Variants in DDX27 observed in about 807,000 individuals in gnomAD.
DDX27 encodes DEAD-box helicase 27, also known as probable ATP-dependent RNA helicase DDX27.
DDX27 carries 42 observed loss-of-function variants against 99.3 expected under a neutral mutation model. That is an observed-to-expected ratio of 0.42 (90% CI 0.33 to 0.55). The LOEUF (loss-of-function observed/expected upper bound fraction) is 0.55. Among genes scored for constraint, DDX27 ranks in the 20% least tolerant of loss-of-function variants. DDX27 has a pLI of 0.07. For synonymous variants in DDX27, 329 were observed against 353.8 expected, an observed-to-expected ratio of 0.93 and a Z score of 0.79; for missense variants, 798 against 976.8, an observed-to-expected ratio of 0.82 and a Z score of 2.44.
chr20:49,240,754 T>C (rs1980452000), intron 16 of DDX27, among the ~76,000 whole-genome samples: 1 of 152,242 alleles, frequency 6.6e-6, no homozygotes, highest in Non-Finnish European at 1.5e-5. Flanking sequence ...AATGGCTTCA[T>C]GTTCTTCCAT....
At chr20:49,221,353 G>T in intron 1 of DDX27, 99 bp from the exon 2 acceptor site, 6 of 1,433,650 alleles carry the variant, frequency 4.2e-6, no homozygotes, top group Non-Finnish European at 5.8e-6. Context: ...CTCCTAAAGT[G>T]CTGGGATTAC....
In DDX27 at chr20:49,236,779, C is replaced by T. The variant is rs6122769; in HGVS notation, c.1687+269C>T. On this transcript the variant is annotated intron_variant, in intron 14 of 20. Transcript: ENST00000618172. The surrounding 1 kb of genome is among the most constrained non-coding windows in gnomAD (Gnocchi z 4.1). ...AAGGTTGCTTGGGGCAAAATTCTCACTAAACTCCTCTTTCCCTTACTGTTG... is the reference window on the plus strand; with the variant it reads ...AAGGTTGCTTGGGGCAAAATTCTCATTAAACTCCTCTTTCCCTTACTGTTG... Among the ~76,000 whole-genome samples, 15,985 of 152,178 alleles carry T rather than the reference C, an allele frequency of 0.11. 1,055 individuals carry two copies. The highest frequency in any genetic ancestry group is 0.15 in the Non-Finnish European group (9,948 of 67,990).
intron 18 of DDX27, 149 bp from the exon 19 acceptor site, chr20:49,242,445 G>C: frequency 1.5e-5 from 15 of 1,020,394 alleles, no homozygotes; most frequent in Non-Finnish European, 2.0e-5. Context: ...CTCACCAGCT[G>C]CTACTTGGAG....
chr20:49,241,854 A>C (rs373749054), intron 16 of DDX27, 39 bp from the exon 17 acceptor site: 2 of 1,601,248 alleles, frequency 1.2e-6, no homozygotes, highest in Non-Finnish European at 1.7e-6. Flanking sequence ...AAAAAAGATA[A>C]AATCATCCCT....
Position 49,239,349 on chromosome 20 carries a change from G to C in DDX27, c.1897+11G>C. Reference sequence around the variant, plus strand: ...GGAAGAAGGAGAAAAGTAAGTCAGGGAGGTTCCGCAGAAATCTAAATACAG... The same window carrying C: ...GGAAGAAGGAGAAAAGTAAGTCAGGCAGGTTCCGCAGAAATCTAAATACAG... On this transcript the variant is annotated intron_variant, in intron 16 of 20. Coordinates refer to ENST00000618172, the MANE Select transcript of DDX27 (RefSeq NM_017895.8). 1 of 1,595,510 alleles carries C rather than the reference G, an allele frequency of 6.3e-7. No individual in the cohort carries two copies.
intron 19 of DDX27, 29 bp from the exon 20 acceptor site, chr20:49,243,600 T>G: frequency 6.2e-7 from 1 of 1,610,602 alleles, no homozygotes. Context: ...AACAGTTTGC[T>G]CATTTCAGCA....
chr20:49,224,892 G>T (rs1979820703), intron 4 of DDX27, 53 bp from the exon 5 acceptor site: 1 of 1,600,732 alleles, frequency 6.2e-7, no homozygotes. Context: ...CCAGCAGGAT[G>T]CAAGTGCTTT....
intron 7 of DDX27, among the ~76,000 whole-genome samples, chr20:49,227,114 G>C (rs1042016104): frequency 6.6e-6 from 1 of 151,880 alleles, no homozygotes; most frequent in Middle Eastern, 3.4e-3. Flanking sequence ...CGCCCGCCTT[G>C]GCCTCCCAAA....
chr20:49,227,893 T>G (rs1337134275), intron 7 of DDX27, among the ~76,000 whole-genome samples: 1 of 146,946 alleles, frequency 6.8e-6, no homozygotes, highest in Non-Finnish European at 1.5e-5. Flanking sequence ...CAGGCTGGAG[T>G]GCAGTGGCGC....
intron 9 of DDX27, 125 bp downstream of exon 9, chr20:49,230,474 A>G: frequency 8.8e-7 from 1 of 1,134,582 alleles, no homozygotes; most frequent in East Asian, 2.6e-5. Flanking sequence ...GCGATACCAG[A>G]TCAGCCACTT....
In DDX27 at chr20:49,233,163, T is replaced by G. The variant is rs1379554009; in HGVS notation, c.1032-143T>G. 4.7e-6 allele frequency: 3 copies of G among 634,304 alleles called. No homozygotes were observed. In the Admixed American group the frequency reaches 8.4e-5, roughly 18 times the overall value. The allele number at this position is 634,304 out of a possible 1,614,324, so 39.3% of individuals were successfully genotyped here. A position where few individuals can be genotyped will look rare whatever the true frequency, so the allele number is the denominator to read the frequency against. On this transcript the variant is annotated intron_variant, in intron 9 of 20. Transcript: ENST00000618172. ...AGCAAATGTGGCAAAATGATAATTCTTGGTGAAAAGATAAAATAATAAAAT... is the reference window on the plus strand; with the variant it reads ...AGCAAATGTGGCAAAATGATAATTCGTGGTGAAAAGATAAAATAATAAAAT...
chr20:49,240,929 A>T (rs1409205440), intron 16 of DDX27, among the ~76,000 whole-genome samples: 1 of 152,038 alleles, frequency 6.6e-6, no homozygotes, highest in African/African-American at 2.4e-5. Flanking sequence ...TAGGAGGATC[A>T]CCTGAGCCTG....
At chr20:49,234,813 A>G in intron 11 of DDX27, 122 bp from the exon 12 acceptor site, 1 of 1,218,150 alleles carries the variant, frequency 8.2e-7, no homozygotes, top group East Asian at 2.6e-5. Flanking sequence ...GTTCCACAGG[A>G]CAGGGACAGT....
intron 7 of DDX27, among the ~76,000 whole-genome samples, chr20:49,226,892 T>A: frequency 1.0e-5 from 1 of 98,634 alleles, no homozygotes; most frequent in Admixed American, 1.3e-4. Context: ...AGACGGAGTC[T>A]CGCTCTGTCG....
intron 11 of DDX27, chr20:49,234,171 T>A (rs756584995): frequency 2.4e-4 from 38 of 156,138 alleles, no homozygotes; most frequent in Non-Finnish European, 4.4e-4. Flanking sequence ...AACATCTTAG[T>A]TTTTTAGGAC....
rs1980329633 is a variant in DDX27 at position 49,236,982 on chromosome 20, G to T, written c.1687+472G>T. Reference sequence around the variant, plus strand: ...CCACCTTCTGCCTCCCAAAGTGCCGGGATTAACAGTAATGAGCCACCATGC... The same window carrying T: ...CCACCTTCTGCCTCCCAAAGTGCCGTGATTAACAGTAATGAGCCACCATGC... On this transcript the variant is annotated intron_variant, in intron 14 of 20. Transcript: ENST00000618172. This position sits in a 1 kb window ranked among gnomAD's most constrained non-coding sequence, Gnocchi z 4.1. Among the ~76,000 whole-genome samples, 1 of 151,850 alleles carries T rather than the reference G, an allele frequency of 6.6e-6. No individual in the cohort carries two copies.
At position 49,236,478 on chromosome 20, in the gene DDX27, A is replaced by C; in HGVS notation, c.1655A>C (p.Lys552Thr). The C allele has an allele frequency of 1.2e-6, 2 of 1,609,246 alleles. No homozygotes were observed. The highest frequency in any genetic ancestry group is 8.5e-7 in the Non-Finnish European group (1 of 1,177,736). ...KMLKEIVKAA[K>T]APVKARILPQ... ...CTGAAGGAGATTGTAAAAGCTGCCA[A>C]GGCCCCTGTGAAGGCCAGGATACTT... Residue 552 changes from lysine to threonine, a missense_variant, in exon 14 of 21, where the codon AAG (lysine) becomes ACG (threonine). Lys to Thr is a moderately conservative substitution (Grantham distance 78). This residue lies in a region of DDX27 where 553 missense variants were observed against 727.9 expected (regional missense o/e 0.76). Transcript: ENST00000618172. The surrounding 1 kb of genome is among the most constrained non-coding windows in gnomAD (Gnocchi z 4.1).
In DDX27 at chr20:49,219,421, C is replaced by G; in HGVS notation, c.-28C>G. 6.2e-7 allele frequency: 1 copy of G among 1,613,868 alleles called. No homozygotes were observed. The highest frequency in any genetic ancestry group is 2.2e-5 in the East Asian group (1 of 44,876). On this transcript the variant is annotated 5_prime_UTR_variant, in exon 1 of 21. Coordinates refer to ENST00000618172, the MANE Select transcript of DDX27 (RefSeq NM_017895.8). ...TAAGGGCCGGACCGCAGGCTGTGCT[C>G]GCTTCCGGAAGTGGCTTCTGCGACA...
At chr20:49,222,619 AT>A (rs1249702941) in intron 2 of DDX27, among the ~76,000 whole-genome samples, 1 of 151,934 alleles carries the variant, frequency 6.6e-6, no homozygotes, top group African/African-American at 2.4e-5. Context: ...GGTTCAAGCA[AT>A]TCTCTTGCCT....
Sources: gnomAD v4.1 joint callset for allele counts (sites outside exome capture counted in the v4.1 genomes callset) on GRCh38, gnomAD v4.1.1 for gene constraint, gnomAD v4.1.1 regional missense constraint, Gnocchi (gnomAD v3.1) non-coding constraint, MANE v1.5 for transcripts, NCBI Gene and HGNC (gene_info 2026-07-23, HGNC 2026-07-21) for gene names.